The following LRRTM4 variants were observed in gnomAD, a reference collection of about 807,000 sequenced individuals.
The protein encoded by LRRTM4 is leucine-rich repeat transmembrane neuronal protein 4.
LRRTM4 carries 25 observed loss-of-function variants against 47.6 expected under a neutral mutation model. The ratio of observed to expected loss-of-function variants is 0.53; its 90% confidence interval spans 0.38 to 0.73. The LOEUF is 0.73. LRRTM4 is among the 30% of genes least tolerant of loss of function. The pLI, the probability that LRRTM4 is intolerant of heterozygous loss-of-function variation, is 0.00. For missense variants in LRRTM4, 638 were observed against 713.4 expected (o/e 0.89, Z 1.20); for synonymous variants, 311 against 269.5 (o/e 1.15, Z -1.51).
At chr2:77,096,145 AT>A (rs905891614) in intron 3 of LRRTM4, among the ~76,000 whole-genome samples, 26 of 152,032 alleles carry the variant, frequency 1.7e-4, no homozygotes, top group East Asian at 3.9e-4. Context: ...AAATATAATC[AT>A]TTTTTAATTA....
At chr2:77,343,317 C>T (rs1408588461) in intron 3 of LRRTM4, among the ~76,000 whole-genome samples, 1 of 151,808 alleles carries the variant, frequency 6.6e-6, no homozygotes. Context: ...TAGATTTTTC[C>T]ATGGAAAACA....
intron 3 of LRRTM4, among the ~76,000 whole-genome samples, chr2:76,860,362 G>T (rs1672277814): frequency 6.6e-6 from 1 of 152,146 alleles, no homozygotes; most frequent in African/African-American, 2.4e-5. Context: ...AGTCAATAAT[G>T]ATGACAAATT....
In LRRTM4 at chr2:76,886,774, T is replaced by C. The variant is rs559086639; in HGVS notation, c.1552-137858A>G. 3.9e-5 allele frequency among the ~76,000 whole-genome samples: 6 copies of C among 151,998 alleles called. No homozygotes were observed. In the South Asian group the frequency reaches 1.2e-3, roughly 31 times the overall value. ...ATGCCTCATAAAATTTTTAACAATT[T>C]ATGTGTAGGACCTTTACAATGCAAC... On this transcript the variant is annotated intron_variant, in intron 3 of 3. Transcript: ENST00000409884.
At chr2:77,157,384 C>T (rs1672588381) in intron 3 of LRRTM4, among the ~76,000 whole-genome samples, 1 of 151,912 alleles carries the variant, frequency 6.6e-6, no homozygotes, top group African/African-American at 2.4e-5. Flanking sequence ...ACATTAAAGG[C>T]CAAGAAGATA....
chr2:77,339,487 C>G (rs935336035), intron 3 of LRRTM4, among the ~76,000 whole-genome samples: 1 of 151,916 alleles, frequency 6.6e-6, no homozygotes, highest in South Asian at 2.1e-4. Context: ...TGGCATGTAG[C>G]AGGTGTTCAA....
chr2:77,396,431 T>G (rs1217288902), intron 3 of LRRTM4, among the ~76,000 whole-genome samples: 2 of 151,890 alleles, frequency 1.3e-5, no homozygotes, highest in African/African-American at 4.8e-5. Context: ...TAATTCATCT[T>G]TATATCTCCC....
intron 3 of LRRTM4, among the ~76,000 whole-genome samples, chr2:77,077,220 C>T (rs944346886): frequency 6.6e-6 from 1 of 152,086 alleles, no homozygotes; most frequent in Non-Finnish European, 1.5e-5. Flanking sequence ...CATTTTATCA[C>T]TTAAAACAGA....
chr2:77,206,080 G>A (rs929766869), intron 3 of LRRTM4, among the ~76,000 whole-genome samples: 24 of 151,726 alleles, frequency 1.6e-4, no homozygotes, highest in South Asian at 6.3e-4. Context: ...GGGCTCAAGC[G>A]ACCCCAACTA....
At chr2:77,179,042 C>T (rs1481255235) in intron 3 of LRRTM4, among the ~76,000 whole-genome samples, 3 of 152,086 alleles carry the variant, frequency 2.0e-5, no homozygotes, top group Non-Finnish European at 2.9e-5. Flanking sequence ...CTTCTATAAT[C>T]TGTATTTTAA....
intron 3 of LRRTM4, among the ~76,000 whole-genome samples, chr2:76,794,772 A>G (rs960493306): frequency 7.9e-5 from 12 of 152,086 alleles, no homozygotes; most frequent in African/African-American, 2.9e-4. Context: ...GTGTAGCACC[A>G]TCACAAACTG....
intron 3 of LRRTM4, among the ~76,000 whole-genome samples, chr2:76,952,078 G>T (rs1469111544): frequency 1.3e-5 from 2 of 151,964 alleles, no homozygotes; most frequent in Non-Finnish European, 2.9e-5. Flanking sequence ...CAACAGTGCA[G>T]CAATAAACAT....
At chr2:76,858,793 A>C (rs997122155) in intron 3 of LRRTM4, among the ~76,000 whole-genome samples, 1 of 152,182 alleles carries the variant, frequency 6.6e-6, no homozygotes, top group African/African-American at 2.4e-5. Context: ...TTTCATAAAT[A>C]TTTCTTGTAT....
At chr2:77,421,482 C>T (rs555753197) in intron 3 of LRRTM4, among the ~76,000 whole-genome samples, 4 of 151,940 alleles carry the variant, frequency 2.6e-5, no homozygotes, top group South Asian at 2.1e-4. Flanking sequence ...CCGAGGCGGG[C>T]GGATCACGAA....
rs572351343 is a variant in LRRTM4 at position 76,754,895 on chromosome 2, A to G, written c.1552-5979T>C. Among the ~76,000 whole-genome samples, 4 of 152,266 alleles carry G rather than the reference A, an allele frequency of 2.6e-5. No individual in the cohort carries two copies. The East Asian group carries it at 7.7e-4, about 29-fold the overall frequency. ...AGACCAGCCAGTCTCTGCAGCACTC[A>G]CGGGAGCTCATCACAAGCACATGTG... On this transcript the variant is annotated intron_variant, in intron 3 of 3. Coordinates refer to ENST00000409884, the MANE Select transcript of LRRTM4 (RefSeq NM_001134745.3).
At chr2:76,779,726 C>G (rs1674242548) in intron 3 of LRRTM4, among the ~76,000 whole-genome samples, 1 of 152,058 alleles carries the variant, frequency 6.6e-6, no homozygotes, top group East Asian at 1.9e-4. Context: ...ATTTGCCAGT[C>G]TGTGTCTTTT....
At chr2:76,870,621 T>C (rs1314703461) in intron 3 of LRRTM4, among the ~76,000 whole-genome samples, 4 of 152,132 alleles carry the variant, frequency 2.6e-5, no homozygotes, top group Admixed American at 2.0e-4. Context: ...CCTTTCCTAA[T>C]ATCTCTACAG....
At chr2:77,002,083 C>A (rs1367221242) in intron 3 of LRRTM4, among the ~76,000 whole-genome samples, 1 of 152,146 alleles carries the variant, frequency 6.6e-6, no homozygotes, top group Non-Finnish European at 1.5e-5. Context: ...GAATCAACAT[C>A]ATGATGACTT....
intron 3 of LRRTM4, among the ~76,000 whole-genome samples, chr2:77,512,734 A>G (rs1429962220): frequency 6.6e-6 from 1 of 152,106 alleles, no homozygotes. Flanking sequence ...TTATAAACAC[A>G]GAAAAGTCTC....
At position 76,927,260 on chromosome 2, in the gene LRRTM4, T is replaced by A. The variant is rs567899183; in HGVS notation, c.1552-178344A>T. Among the ~76,000 whole-genome samples, 7 of 152,212 alleles carry A rather than the reference T, an allele frequency of 4.6e-5. No individual in the cohort carries two copies. The South Asian group carries it at 1.5e-3, about 32-fold the overall frequency. ...ACCACCCTAGGAATTACCATATGTA[T>A]CCACATTGATGATTTGGATTGAGAT... On this transcript the variant is annotated intron_variant, in intron 3 of 3. Coordinates refer to ENST00000409884, the MANE Select transcript of LRRTM4 (RefSeq NM_001134745.3).
Sources: gnomAD v4.1 joint callset for allele counts (sites outside exome capture counted in the v4.1 genomes callset) on GRCh38, gnomAD v4.1.1 for gene constraint, MANE v1.5 for transcripts, NCBI Gene and HGNC (gene_info 2026-07-23, HGNC 2026-07-21) for gene names.